The following PABPC4L variants were observed in gnomAD, a reference collection of about 807,000 sequenced individuals.
PABPC4L encodes poly(A) binding protein cytoplasmic 4 like, also known as polyadenylate-binding protein 4-like.
For missense variants in PABPC4L, 452 were observed against 451.4 expected (o/e 1.00, Z -0.01); for synonymous variants, 169 against 164.1 (o/e 1.03, Z -0.23).
the PABPC4L span, among the ~76,000 whole-genome samples, chr4:133,983,878 A>T: frequency 6.6e-6 from 1 of 151,892 alleles, no homozygotes; most frequent in Admixed American, 6.6e-5. Flanking sequence ...TTACCTGAAT[A>T]ACTTAAGGGT....
the PABPC4L span, among the ~76,000 whole-genome samples, chr4:134,070,955 C>G: frequency 5.9e-5 from 9 of 152,246 alleles, no homozygotes; most frequent in Admixed American, 5.2e-4. Context: ...AGGAGCATGG[C>G]GAGCCTTGGG....
At chr4:134,173,824 C>T in the PABPC4L span, among the ~76,000 whole-genome samples, 1 of 151,944 alleles carries the variant, frequency 6.6e-6, no homozygotes, top group Non-Finnish European at 1.5e-5. Flanking sequence ...TCACATGTAC[C>T]CCATAAATAT....
chr4:134,086,702 A>C, the PABPC4L span, among the ~76,000 whole-genome samples: 2 of 151,404 alleles, frequency 1.3e-5, no homozygotes, highest in African/African-American at 2.4e-5. Context: ...ACGATTCTGC[A>C]GAGCAAAGCT....
In PABPC4L at chr4:134,200,936, C is replaced by T; in HGVS notation, c.84G>A (p.Arg28=). ...GCACAGGCCCCACAGTGCTGAACTT[C>T]CTGAACAGCAGGTCCTCGGTGACAT... is the stretch of plus-strand genomic sequence containing the variant. ...HADVTEDLLF[R]KFSTVGPVLS... The change falls in exon 2 of 2, where the codon AGG becomes AGA. Residue 28 remains arginine, a synonymous_variant. Transcript: ENST00000421491. 1 of 1,559,994 alleles carries T rather than the reference C, an allele frequency of 6.4e-7. No homozygotes were observed. Among genetic ancestry groups the T allele is most frequent in the Admixed American group, 1.9e-5 (1 of 51,734 alleles).
chr4:134,166,353 C>G, the PABPC4L span, among the ~76,000 whole-genome samples: 13 of 152,136 alleles, frequency 8.5e-5, no homozygotes, highest in Middle Eastern at 3.4e-3. Flanking sequence ...TAAATCAATA[C>G]CATAGAAATA....
the PABPC4L span, among the ~76,000 whole-genome samples, chr4:134,050,405 T>C: frequency 3.9e-5 from 6 of 152,048 alleles, no homozygotes; most frequent in African/African-American, 1.4e-4. Flanking sequence ...CTGTAAAATC[T>C]ACAAAAGAAG....
chr4:134,130,342 G>T, the PABPC4L span, among the ~76,000 whole-genome samples: 9 of 151,760 alleles, frequency 5.9e-5, no homozygotes, highest in African/African-American at 2.2e-4. Context: ...AAATAAAATG[G>T]GAGACACTAC....
At chr4:133,993,093 T>C in the PABPC4L span, among the ~76,000 whole-genome samples, 54 of 152,174 alleles carry the variant, frequency 3.5e-4, 1 homozygote, top group Non-Finnish European at 6.9e-4. Context: ...CATCCTTCCA[T>C]AAAACTGCAG....
At chr4:134,138,659 A>C in the PABPC4L span, among the ~76,000 whole-genome samples, 1 of 151,474 alleles carries the variant, frequency 6.6e-6, no homozygotes, top group Non-Finnish European at 1.5e-5. Flanking sequence ...TATGCATTCT[A>C]ATTTTAATTT....
chr4:134,166,684 T>G, the PABPC4L span, among the ~76,000 whole-genome samples: 2 of 152,164 alleles, frequency 1.3e-5, no homozygotes, highest in Non-Finnish European at 1.5e-5. Flanking sequence ...GAAAGAAAAG[T>G]AAAGAAACAG....
the PABPC4L span, among the ~76,000 whole-genome samples, chr4:134,030,688 A>C: frequency 6.6e-6 from 1 of 152,122 alleles, no homozygotes; most frequent in Admixed American, 6.6e-5. Context: ...TGAACATTGA[A>C]ATATCTTTCT....
chr4:134,066,980 T>C, the PABPC4L span, among the ~76,000 whole-genome samples: 61 of 152,122 alleles, frequency 4.0e-4, no homozygotes, highest in African/African-American at 1.3e-3. Flanking sequence ...TTTTTACCAA[T>C]AATATTGCCT....
chr4:134,086,073 TG>T, the PABPC4L span, among the ~76,000 whole-genome samples: 1 of 152,112 alleles, frequency 6.6e-6, no homozygotes, highest in Non-Finnish European at 1.5e-5. Context: ...AAAATATTAT[TG>T]GTCTTTTTTA....
the PABPC4L span, among the ~76,000 whole-genome samples, chr4:134,170,365 T>C: frequency 6.6e-6 from 1 of 152,178 alleles, no homozygotes; most frequent in Non-Finnish European, 1.5e-5. Flanking sequence ...GGAATTAACA[T>C]AGGTGTACAT....
chr4:134,090,982 C>T, the PABPC4L span, among the ~76,000 whole-genome samples: 185 of 151,914 alleles, frequency 1.2e-3, 1 homozygote, highest in African/African-American at 4.1e-3. Context: ...TTTTTACATG[C>T]TTATTTTCTC....
chr4:134,186,196 C>T, the PABPC4L span, among the ~76,000 whole-genome samples: 1 of 152,076 alleles, frequency 6.6e-6, no homozygotes, highest in Non-Finnish European at 1.5e-5. Flanking sequence ...CTTTAAAGTT[C>T]ATATGGAACC....
downstream of PABPC4L, among the ~76,000 whole-genome samples, chr4:134,194,530 A>T (rs2126195605): frequency 6.6e-6 from 1 of 152,024 alleles, no homozygotes; most frequent in South Asian, 2.1e-4. Context: ...TAAGAAAAAG[A>T]ACATCACATA....
chr4:134,111,065 T>C, the PABPC4L span, among the ~76,000 whole-genome samples: 1 of 152,062 alleles, frequency 6.6e-6, no homozygotes, highest in East Asian at 1.9e-4. Flanking sequence ...GTTTTGAAAG[T>C]CGAAGATCAA....
the PABPC4L span, among the ~76,000 whole-genome samples, chr4:134,099,288 G>C: frequency 5.3e-5 from 8 of 151,550 alleles, no homozygotes; most frequent in African/African-American, 1.9e-4. Flanking sequence ...TTTTATATAA[G>C]TTTTATGTTA....
Sources: gnomAD v4.1 joint callset for allele counts (sites outside exome capture counted in the v4.1 genomes callset) on GRCh38, gnomAD v4.1.1 for gene constraint, MANE v1.5 for transcripts, NCBI Gene and HGNC (gene_info 2026-07-23, HGNC 2026-07-21) for gene names.